The following AFG2A variants were observed in gnomAD, a reference collection of about 807,000 sequenced individuals.
The protein encoded by AFG2A is ATPase family gene 2 protein homolog A.
chr4:122,951,480 A>C, the AFG2A span, among the ~76,000 whole-genome samples: 1 of 151,812 alleles, frequency 6.6e-6, no homozygotes, highest in African/African-American at 2.4e-5. Flanking sequence ...ACATGTAATC[A>C]GATGCATTGT....
the AFG2A span, among the ~76,000 whole-genome samples, chr4:123,072,228 C>T: frequency 9.2e-5 from 14 of 152,262 alleles, no homozygotes; most frequent in South Asian, 4.1e-4. Context: ...GATTACTTAA[C>T]TAATACCTGT....
At chr4:122,974,547 T>A in the AFG2A span, among the ~76,000 whole-genome samples, 11 of 152,208 alleles carry the variant, frequency 7.2e-5, no homozygotes, top group Non-Finnish European at 7.3e-5. Context: ...TCAAAATATG[T>A]GTGTGGCTGA....
the AFG2A span, among the ~76,000 whole-genome samples, chr4:123,096,309 T>C: frequency 1.3e-5 from 2 of 151,076 alleles, no homozygotes; most frequent in Non-Finnish European, 2.9e-5. Flanking sequence ...GTAGGCTCAT[T>C]GTCTTTAGAT....
chr4:123,168,144 T>A, the AFG2A span, among the ~76,000 whole-genome samples: 2 of 152,198 alleles, frequency 1.3e-5, no homozygotes, highest in Non-Finnish European at 2.9e-5. Flanking sequence ...TGAGCCAGGA[T>A]AATGCCAGTT....
the AFG2A span, among the ~76,000 whole-genome samples, chr4:123,199,144 C>T: frequency 5.9e-3 from 895 of 152,206 alleles, 12 homozygotes; most frequent in African/African-American, 0.02. Flanking sequence ...CAGAGCTACT[C>T]CTTGACCTCT....
At chr4:123,181,200 G>A in the AFG2A span, among the ~76,000 whole-genome samples, 3 of 151,812 alleles carry the variant, frequency 2.0e-5, no homozygotes, top group East Asian at 5.8e-4. Flanking sequence ...TAGCCAGGAT[G>A]GTCTCGATCT....
At chr4:123,187,509 A>AAGG in the AFG2A span, among the ~76,000 whole-genome samples, 1 of 152,196 alleles carries the variant, frequency 6.6e-6, no homozygotes, top group Admixed American at 6.5e-5. Flanking sequence ...ATATGGAGAC[A>AAGG]ATATAGTCTT....
chr4:123,146,927 T>TCA, the AFG2A span, among the ~76,000 whole-genome samples: 1 of 152,182 alleles, frequency 6.6e-6, no homozygotes, highest in African/African-American at 2.4e-5. Flanking sequence ...AAGTCTTCCG[T>TCA]GAGCAAAGAT....
At chr4:123,195,101 T>A in the AFG2A span, among the ~76,000 whole-genome samples, 1 of 152,206 alleles carries the variant, frequency 6.6e-6, no homozygotes, top group Non-Finnish European at 1.5e-5. Flanking sequence ...GCATGAATAC[T>A]TGACATATTT....
At chr4:122,964,560 T>C in the AFG2A span, among the ~76,000 whole-genome samples, 7 of 151,752 alleles carry the variant, frequency 4.6e-5, no homozygotes, top group Non-Finnish European at 8.8e-5. Context: ...AATCGACTAC[T>C]CTTTCAGAGA....
the AFG2A span, among the ~76,000 whole-genome samples, chr4:123,151,326 A>T: frequency 1.3e-5 from 2 of 152,236 alleles, no homozygotes; most frequent in African/African-American, 4.8e-5. Flanking sequence ...ATCAGAGTGA[A>T]CAGGCAACCT....
At chr4:123,273,329 CAT>C in the AFG2A span, among the ~76,000 whole-genome samples, 1 of 152,012 alleles carries the variant, frequency 6.6e-6, no homozygotes, top group Non-Finnish European at 1.5e-5. Flanking sequence ...TCAGTGTAAA[CAT>C]ACTGAGTTTG....
At chr4:123,291,366 A>G in the AFG2A span, among the ~76,000 whole-genome samples, 1,690 of 152,034 alleles carry the variant, frequency 0.011, 26 homozygotes, top group African/African-American at 0.038. Flanking sequence ...GATCATTTTG[A>G]TTGTTATCTA....
At chr4:123,027,760 G>GTTC in the AFG2A span, among the ~76,000 whole-genome samples, 1 of 152,094 alleles carries the variant, frequency 6.6e-6, no homozygotes, top group Non-Finnish European at 1.5e-5. Context: ...ATGATTGTGT[G>GTTC]TTCTATAAAG....
chr4:122,926,168 G>C, the AFG2A span, among the ~76,000 whole-genome samples: 1 of 152,158 alleles, frequency 6.6e-6, no homozygotes, highest in South Asian at 2.1e-4. Flanking sequence ...ACAAGGTGGA[G>C]AATAAATCCT....
At chr4:123,188,829 G>A in the AFG2A span, among the ~76,000 whole-genome samples, 5 of 152,268 alleles carry the variant, frequency 3.3e-5, no homozygotes, top group South Asian at 2.1e-4. Flanking sequence ...TATTGGGCCC[G>A]AGAATTCTAT....
At chr4:123,187,793 G>A in the AFG2A span, among the ~76,000 whole-genome samples, 1 of 151,670 alleles carries the variant, frequency 6.6e-6, no homozygotes, top group African/African-American at 2.4e-5. Flanking sequence ...CCAAGGAGTT[G>A]AAGACCAGCC....
chr4:123,262,578 T>C, the AFG2A span, among the ~76,000 whole-genome samples: 1 of 152,244 alleles, frequency 6.6e-6, no homozygotes, highest in Non-Finnish European at 1.5e-5. Flanking sequence ...TTCCTGTGAA[T>C]AGTGACTTAG....
the AFG2A span, among the ~76,000 whole-genome samples, chr4:123,276,874 G>A: frequency 6.6e-6 from 1 of 152,094 alleles, no homozygotes; most frequent in Non-Finnish European, 1.5e-5. Context: ...TGTTGTTTTG[G>A]TTACTGTGGC....
Sources: allele counts gnomAD v4.1 joint callset (sites outside exome capture counted in the v4.1 genomes callset), GRCh38; gene constraint gnomAD v4.1.1; transcripts MANE v1.5; gene names NCBI Gene and HGNC (gene_info 2026-07-23, HGNC 2026-07-21).